The following NEMP2 variants were observed in gnomAD, a reference collection of about 807,000 sequenced individuals.
NEMP2 encodes UPF0571 transmembrane protein.
In NEMP2, 53 loss-of-function variants were observed where a neutral mutation model predicts 54.2. That is an observed-to-expected ratio of 0.98 (90% CI 0.78 to 1.23). The LOEUF (loss-of-function observed/expected upper bound fraction) is 1.23. Ranked by LOEUF, NEMP2 falls within the 50% of genes most tolerant of loss-of-function variation. The pLI is 0.00. For missense variants in NEMP2, 455 were observed against 511.3 expected (o/e 0.89, Z 1.06); for synonymous variants, 197 against 190.3 (o/e 1.04, Z -0.29).
the NEMP2 span, chr2:190,435,867 T>C: frequency 7.4e-6 from 7 of 942,382 alleles, no homozygotes; most frequent in Admixed American, 1.8e-4. Context: ...GAATTCTCTC[T>C]TGCAATTATT....
chr2:190,522,885 C>T lies in NEMP2; in HGVS notation c.213+2378G>A, dbSNP rs1007518173. On this transcript the variant is annotated intron_variant, in intron 2 of 8. Transcript: ENST00000409150. This position sits in a 1 kb window ranked among gnomAD's most constrained non-coding sequence, Gnocchi z 5.0. Reference sequence around the variant, plus strand: ...CACCCCTCTCTGCTTCAAGTTGTCCCACCTTTCTGGACCTAACTAATGTAT... The same window carrying T: ...CACCCCTCTCTGCTTCAAGTTGTCCTACCTTTCTGGACCTAACTAATGTAT... Among the ~76,000 whole-genome samples, 7 of 152,102 alleles carry T rather than the reference C, an allele frequency of 4.6e-5. No individual in the cohort carries two copies. Among genetic ancestry groups the T allele is most frequent in the African/African-American group, 1.7e-4 (7 of 41,416 alleles).
chr2:190,459,471 G>A, the NEMP2 span, among the ~76,000 whole-genome samples: 2 of 152,308 alleles, frequency 1.3e-5, no homozygotes, highest in East Asian at 1.9e-4. This position sits in a 1 kb window ranked among gnomAD's most constrained non-coding sequence, Gnocchi z 5.3. Context: ...AAACAAAATT[G>A]TAGGGGGTGT....
chr2:190,581,451 G>T, the NEMP2 span, among the ~76,000 whole-genome samples: 1 of 152,176 alleles, frequency 6.6e-6, no homozygotes, highest in Non-Finnish European at 1.5e-5. Context: ...AACCATGTTT[G>T]CTGATCATCT....
the NEMP2 span, among the ~76,000 whole-genome samples, chr2:190,555,230 G>T: frequency 6.6e-6 from 1 of 152,148 alleles, no homozygotes; most frequent in Admixed American, 6.5e-5. This position sits in a 1 kb window ranked among gnomAD's most constrained non-coding sequence, Gnocchi z 4.8. Context: ...GTGCAAAAAA[G>T]CTGAAGATTC....
chr2:190,558,618 C>T, the NEMP2 span, among the ~76,000 whole-genome samples: 2 of 152,198 alleles, frequency 1.3e-5, no homozygotes, highest in Non-Finnish European at 2.9e-5. This position sits in a 1 kb window ranked among gnomAD's most constrained non-coding sequence, Gnocchi z 4.4. Context: ...TTAGTACCTT[C>T]TGGCATACCA....
chr2:190,436,554 G>A, the NEMP2 span: 1 of 1,614,212 alleles, frequency 6.2e-7, no homozygotes, highest in Non-Finnish European at 8.5e-7. The surrounding 1 kb of genome is among the most constrained non-coding windows in gnomAD (Gnocchi z 5.3). Context: ...CAAGTCACCA[G>A]TTAACTATCC....
the NEMP2 span, among the ~76,000 whole-genome samples, chr2:190,584,911 GAAAGAAAGAAAGAAA>G: frequency 4.9e-5 from 2 of 40,996 alleles, no homozygotes; most frequent in Non-Finnish European, 1.3e-4. This position sits in a 1 kb window ranked among gnomAD's most constrained non-coding sequence, Gnocchi z 4.2. Flanking sequence ...AAGAAAGAAA[GAAAGAAAGAAAGAAA>G]GAAAGAAAGA....
the NEMP2 span, among the ~76,000 whole-genome samples, chr2:190,570,160 A>G: frequency 3.3e-5 from 5 of 152,246 alleles, no homozygotes; most frequent in Non-Finnish European, 7.3e-5. This position sits in a 1 kb window ranked among gnomAD's most constrained non-coding sequence, Gnocchi z 5.4. Flanking sequence ...TGCCTTGAAC[A>G]GTTGCCATAA....
At chr2:190,450,854 A>G in the NEMP2 span, among the ~76,000 whole-genome samples, 2 of 152,204 alleles carry the variant, frequency 1.3e-5, no homozygotes, top group African/African-American at 4.8e-5. Context: ...CATTATTGAA[A>G]AGAAGAATAA....
chr2:190,427,774 C>A, the NEMP2 span, among the ~76,000 whole-genome samples: 2 of 151,824 alleles, frequency 1.3e-5, no homozygotes, highest in Non-Finnish European at 2.9e-5. Flanking sequence ...TCTTGTCACC[C>A]AGGCTAGAGT....
chr2:190,638,960 G>A, the NEMP2 span, among the ~76,000 whole-genome samples: 1 of 152,148 alleles, frequency 6.6e-6, no homozygotes, highest in South Asian at 2.1e-4. This position sits in a 1 kb window ranked among gnomAD's most constrained non-coding sequence, Gnocchi z 5.7. Flanking sequence ...TGCCAGTTCT[G>A]TCACTGGGTG....
chr2:190,456,171 C>T, the NEMP2 span, among the ~76,000 whole-genome samples: 11 of 152,024 alleles, frequency 7.2e-5, no homozygotes, highest in Admixed American at 2.0e-4. The surrounding 1 kb of genome is among the most constrained non-coding windows in gnomAD (Gnocchi z 5.4). Context: ...AAACTCCTGA[C>T]CTCAGGTGAT....
the NEMP2 span, among the ~76,000 whole-genome samples, chr2:190,549,783 C>G: frequency 6.6e-6 from 1 of 152,072 alleles, no homozygotes; most frequent in Non-Finnish European, 1.5e-5. Context: ...GGTTCCTTCC[C>G]TAGACATGGA....
chr2:190,582,872 T>C, the NEMP2 span, among the ~76,000 whole-genome samples: 2 of 152,222 alleles, frequency 1.3e-5, no homozygotes, highest in South Asian at 2.1e-4. This position sits in a 1 kb window ranked among gnomAD's most constrained non-coding sequence, Gnocchi z 4.6. Context: ...TTTTCCTCAA[T>C]TGGCCTCAGA....
chr2:190,496,144 A>G, the NEMP2 span, among the ~76,000 whole-genome samples: 3 of 144,436 alleles, frequency 2.1e-5, no homozygotes, highest in African/African-American at 8.0e-5. This position sits in a 1 kb window ranked among gnomAD's most constrained non-coding sequence, Gnocchi z 4.7. Flanking sequence ...AATTAGCAAG[A>G]AAAAAAAAAA....
the NEMP2 span, among the ~76,000 whole-genome samples, chr2:190,597,350 A>G: frequency 6.6e-6 from 1 of 152,126 alleles, no homozygotes; most frequent in Non-Finnish European, 1.5e-5. The surrounding 1 kb of genome is among the most constrained non-coding windows in gnomAD (Gnocchi z 4.7). Context: ...AGAAAAAAAA[A>G]GCCCTGGGAA....
the NEMP2 span, among the ~76,000 whole-genome samples, chr2:190,605,579 G>A: frequency 2.0e-5 from 3 of 152,044 alleles, no homozygotes; most frequent in African/African-American, 7.2e-5. Context: ...GTTTCACCAC[G>A]TTGGCCAGGT....
chr2:190,646,352 G>C, the NEMP2 span, among the ~76,000 whole-genome samples: 1 of 152,226 alleles, frequency 6.6e-6, no homozygotes, highest in Non-Finnish European at 1.5e-5. Context: ...AGAAGACTGT[G>C]TGTGTGCTGG....
chr2:190,622,362 C>T, the NEMP2 span, among the ~76,000 whole-genome samples: 1 of 151,728 alleles, frequency 6.6e-6, no homozygotes, highest in African/African-American at 2.4e-5. Context: ...GAGCTATAGT[C>T]ATGCCACAGC....
Sources: gnomAD v4.1 joint callset for allele counts (sites outside exome capture counted in the v4.1 genomes callset) on GRCh38, gnomAD v4.1.1 for gene constraint, Gnocchi (gnomAD v3.1) non-coding constraint, MANE v1.5 for transcripts, NCBI Gene and HGNC (gene_info 2026-07-23, HGNC 2026-07-21) for gene names.